The following ITGA9 variants were observed in gnomAD, a reference collection of about 807,000 sequenced individuals.
The protein encoded by ITGA9 is integrin subunit alpha 9, also known as integrin alpha-9.
ITGA9 carries 56 observed loss-of-function variants against 127.8 expected under a neutral mutation model. That is an observed-to-expected ratio of 0.44 (90% CI 0.35 to 0.55). The LOEUF (loss-of-function observed/expected upper bound fraction) is 0.55, where lower values mean the gene tolerates loss of function less well. Ranked by LOEUF, ITGA9 falls within the 20% of genes least tolerant of loss-of-function variation. The pLI, the probability that ITGA9 is intolerant of heterozygous loss-of-function variation, is 0.00. For missense variants in ITGA9, 1,196 were observed against 1,347.1 expected (o/e 0.89, Z 1.76); for synonymous variants, 508 against 514.5 (o/e 0.99, Z 0.17).
intron 18 of ITGA9, among the ~76,000 whole-genome samples, chr3:37,719,744 C>T (rs2125682951): frequency 6.6e-6 from 1 of 152,262 alleles, no homozygotes; most frequent in South Asian, 2.1e-4. Context: ...CCCCAGCTTT[C>T]TCACCCGTTG....
intron 14 of ITGA9, among the ~76,000 whole-genome samples, chr3:37,537,329 T>A (rs1699218583): frequency 9.9e-6 from 1 of 100,566 alleles, no homozygotes; most frequent in South Asian, 2.6e-4. Context: ...AAGGAGCGAG[T>A]TCCTTTGCCC....
intron 2 of ITGA9, among the ~76,000 whole-genome samples, chr3:37,472,491 C>T (rs1698443517): frequency 6.6e-6 from 1 of 152,092 alleles, no homozygotes; most frequent in Admixed American, 6.6e-5. Flanking sequence ...CTCTGCCTCC[C>T]AGGTTCAAGC....
chr3:37,804,642 G>A lies in ITGA9; in HGVS notation c.3009+700G>A, dbSNP rs571577138. 3.3e-5 allele frequency among the ~76,000 whole-genome samples: 5 copies of A among 152,230 alleles called. No homozygotes were observed. In the South Asian group the frequency reaches 1.0e-3, roughly 32 times the overall value. ...GGTCTGTCTCTTCCTTGTTTCCACT[G>A]TGTCCCCAGCTCCAAAACAGCACCA... On this transcript the variant is annotated intron_variant, in intron 27 of 27. Transcript: ENST00000264741.
At chr3:37,801,445 C>T (rs1697234105) in intron 26 of ITGA9, among the ~76,000 whole-genome samples, 3 of 152,106 alleles carry the variant, frequency 2.0e-5, no homozygotes, top group Admixed American at 2.0e-4. Flanking sequence ...ATACTTTTCT[C>T]TATGTATATT....
chr3:37,765,122 G>C (rs1017158548), intron 23 of ITGA9, among the ~76,000 whole-genome samples: 3 of 152,068 alleles, frequency 2.0e-5, no homozygotes, highest in African/African-American at 7.2e-5. Context: ...AGAAATGGCT[G>C]CTTCCACTCT....
intron 18 of ITGA9, among the ~76,000 whole-genome samples, chr3:37,712,996 C>A (rs961864622): frequency 2.6e-5 from 4 of 152,160 alleles, no homozygotes; most frequent in African/African-American, 9.7e-5. Context: ...AGGTGCAGAC[C>A]GTCATCCTCC....
chr3:37,718,965 G>A (rs1265251250), intron 18 of ITGA9, among the ~76,000 whole-genome samples: 3 of 152,210 alleles, frequency 2.0e-5, no homozygotes, highest in African/African-American at 7.2e-5. Context: ...GCTGGGTGTG[G>A]CATCTCTGGC....
intron 23 of ITGA9, among the ~76,000 whole-genome samples, chr3:37,771,220 T>C (rs534805428): frequency 2.0e-5 from 3 of 152,184 alleles, no homozygotes; most frequent in East Asian, 1.9e-4. Context: ...GGAAATGACA[T>C]TGTTGGTCAT....
intron 14 of ITGA9, among the ~76,000 whole-genome samples, chr3:37,536,340 A>G (rs532833039): frequency 1.3e-5 from 2 of 152,340 alleles, no homozygotes; most frequent in Non-Finnish European, 2.9e-5. Flanking sequence ...CCTTCCAGGC[A>G]CCTCTCAATG....
intron 1 of ITGA9, among the ~76,000 whole-genome samples, chr3:37,470,140 G>GTTTTTTTTTTTTTT (rs71288094): frequency 6.8e-5 from 9 of 133,058 alleles, no homozygotes; most frequent in Non-Finnish European, 1.3e-4. Flanking sequence ...GTTTCTTCTT[G>GTTTTTTTTTTTTTT]TTTTTTTTTT....
In ITGA9 at chr3:37,748,495, C is replaced by T. The variant is rs1265603154; in HGVS notation, c.2434-1967C>T. The T allele has an allele frequency of 7.5e-6, 4 of 532,372 alleles. No individual in the cohort carries two copies. In the African/African-American group the frequency reaches 7.7e-5, roughly 10 times the overall value. The allele number at this position is 532,372 out of a possible 1,614,324, so 33.0% of individuals were successfully genotyped here. On this transcript the variant is annotated intron_variant, in intron 22 of 27. Coordinates refer to ENST00000264741, the MANE Select transcript of ITGA9 (RefSeq NM_002207.3). The stretch of plus-strand genomic sequence containing the variant: ...CGGCACAGTAGCTCACGCCTGTAAT[C>T]CTAACACTTTGGGAGGCCGAGGCAG...
intron 18 of ITGA9, among the ~76,000 whole-genome samples, chr3:37,708,616 A>ACAGGACAGC (rs1701035221): frequency 0.052 from 6 of 116 alleles, no homozygotes; most frequent in East Asian, 0.25. Flanking sequence ...CGCTATTAGC[A>ACAGGACAGC]TCTAGTGGGT....
intron 15 of ITGA9, among the ~76,000 whole-genome samples, chr3:37,598,129 G>A (rs142933277): frequency 7.0e-4 from 107 of 152,294 alleles, no homozygotes; most frequent in African/African-American, 2.5e-3. Flanking sequence ...TCACTGGGTA[G>A]TCAGGATTAC....
chr3:37,746,376 C>G (rs1696501029), intron 22 of ITGA9, among the ~76,000 whole-genome samples: 4 of 152,180 alleles, frequency 2.6e-5, no homozygotes, highest in Admixed American at 2.6e-4. Context: ...AGTTTTTAAA[C>G]AGACACATTA....
At chr3:37,704,941 T>G (rs777766572) in intron 18 of ITGA9, among the ~76,000 whole-genome samples, 37 of 152,350 alleles carry the variant, frequency 2.4e-4, no homozygotes, top group Admixed American at 4.6e-4. Context: ...AGTAAGAGAC[T>G]GAATGAATAA....
chr3:37,776,999 T>C (rs1696916126), intron 23 of ITGA9, among the ~76,000 whole-genome samples: 2 of 152,200 alleles, frequency 1.3e-5, no homozygotes, highest in Admixed American at 1.3e-4. Flanking sequence ...CTTGACTCCA[T>C]GACTGTTGGC....
intron 15 of ITGA9, among the ~76,000 whole-genome samples, chr3:37,566,167 A>T (rs1699545153): frequency 6.6e-6 from 1 of 152,222 alleles, no homozygotes; most frequent in African/African-American, 2.4e-5. Context: ...CCCCTTATCC[A>T]TTGGGAATAC....
intron 16 of ITGA9, among the ~76,000 whole-genome samples, chr3:37,637,130 C>T (rs1481875326): frequency 2.6e-5 from 4 of 151,926 alleles, no homozygotes; most frequent in Non-Finnish European, 2.9e-5. Flanking sequence ...TTTTTTGGTT[C>T]CATATGAACT....
In ITGA9 at chr3:37,473,362, C is replaced by T. The variant is rs143674262; in HGVS notation, c.322C>T (p.Arg108Trp). ...TELDMARGKN[R>W]GTSCGKTCRE... Reference sequence around the variant, plus strand: ...TTCTCCTCTTTCTCCAGGGAAGAATCGGGGCACGTCCTGCGGAAAGACCTG... The same window carrying T: ...TTCTCCTCTTTCTCCAGGGAAGAATTGGGGCACGTCCTGCGGAAAGACCTG... Residue 108 changes from arginine to tryptophan, a missense_variant, in exon 3 of 28, where the codon CGG becomes TGG. Transcript: ENST00000264741. 52 of 1,613,850 alleles carry T rather than the reference C, an allele frequency of 3.2e-5. 1 individual carries two copies. Among genetic ancestry groups the T allele is most frequent in the Admixed American group, 1.7e-4 (10 of 60,012 alleles).
Sources: gnomAD v4.1 joint callset for allele counts (sites outside exome capture counted in the v4.1 genomes callset) on GRCh38, gnomAD v4.1.1 for gene constraint, MANE v1.5 for transcripts, NCBI Gene and HGNC (gene_info 2026-07-23, HGNC 2026-07-21) for gene names.